Variants in AHCYL2 observed in about 807,000 individuals in gnomAD.
AHCYL2 encodes the protein adenosylhomocysteinase like 2, also known as S-adenosylhomocysteine hydrolase-like protein 2.
AHCYL2 carries 28 observed loss-of-function variants against 81.4 expected under a neutral mutation model. The observed-to-expected ratio is 0.34, with a 90% CI of 0.25 to 0.47. The LOEUF is 0.47. Ranked by LOEUF, AHCYL2 falls within the 20% of genes least tolerant of loss-of-function variation. The probability of loss-of-function intolerance (pLI) is 1.00; values close to 1 mark genes in which losing one functional copy is unlikely to be tolerated. For synonymous variants in AHCYL2, 272 were observed against 290.2 expected (o/e 0.94, Z 0.64); for missense variants, 551 against 785.1 (o/e 0.70, Z 3.56).
chr7:129,344,402 A>T (rs888831854), intron 1 of AHCYL2, among the ~76,000 whole-genome samples: 1 of 152,222 alleles, frequency 6.6e-6, no homozygotes, highest in Admixed American at 6.5e-5. Context: ...GTAATGTGCT[A>T]TTCAGCAGTA....
chr7:129,393,900 G>A (rs6953598), intron 4 of AHCYL2, among the ~76,000 whole-genome samples: 43,367 of 152,112 alleles, frequency 0.29, 6,285 homozygotes, highest in South Asian at 0.38. Context: ...AAGAGGGAAA[G>A]AATCCATAGA....
intron 1 of AHCYL2, among the ~76,000 whole-genome samples, chr7:129,340,546 A>T (rs534619763): frequency 2.0e-5 from 3 of 149,660 alleles, no homozygotes; most frequent in Admixed American, 6.6e-5. Context: ...CCAGCCTGGG[A>T]GACAGAGCGA....
At chr7:129,328,524 G>A (rs1006178437) in intron 1 of AHCYL2, among the ~76,000 whole-genome samples, 1 of 151,144 alleles carries the variant, frequency 6.6e-6, no homozygotes, top group African/African-American at 2.4e-5. Context: ...TCACTCTGTT[G>A]CCCAGACTGG....
rs1037444773 is a variant in AHCYL2 at position 129,317,001 on chromosome 7, C to T, written c.364-62637C>T. Among the ~76,000 whole-genome samples the T allele has an allele frequency of 4.6e-5, 7 of 152,234 alleles. No individual in the cohort carries two copies. The East Asian group carries it at 1.4e-3, about 29-fold the overall frequency. ...ATATTTTAAATGCCAGATAGAGGTG[C>T]TATATTGTCTTCATTGCGGGCCAGG... On this transcript the variant is annotated intron_variant, in intron 1 of 16. Transcript: ENST00000325006.
At chr7:129,401,633 A>G (rs1796041932) in intron 6 of AHCYL2, among the ~76,000 whole-genome samples, 1 of 152,236 alleles carries the variant, frequency 6.6e-6, no homozygotes, top group Non-Finnish European at 1.5e-5. Context: ...CAGAGTTGAC[A>G]GTGGCTGTAA....
At chr7:129,308,481 C>T (rs1797523690) in intron 1 of AHCYL2, among the ~76,000 whole-genome samples, 1 of 152,170 alleles carries the variant, frequency 6.6e-6, no homozygotes, top group East Asian at 1.9e-4. Context: ...ATTGTTTTTC[C>T]TGCCTTTTTC....
intron 1 of AHCYL2, among the ~76,000 whole-genome samples, chr7:129,294,653 C>T (rs1223804635): frequency 6.6e-6 from 1 of 152,186 alleles, no homozygotes; most frequent in Non-Finnish European, 1.5e-5. Context: ...CACCACAACA[C>T]TGTAGCTGTT....
intron 4 of AHCYL2, among the ~76,000 whole-genome samples, chr7:129,395,839 T>C (rs897984103): frequency 5.9e-5 from 9 of 152,282 alleles, no homozygotes; most frequent in African/African-American, 1.9e-4. Flanking sequence ...AAATTCCACA[T>C]TGACACACTT....
At chr7:129,363,016 A>G (rs1173816019) in intron 1 of AHCYL2, among the ~76,000 whole-genome samples, 1 of 152,142 alleles carries the variant, frequency 6.6e-6, no homozygotes, top group African/African-American at 2.4e-5. Flanking sequence ...ATATGCCCTC[A>G]TGGATGACGA....
intron 4 of AHCYL2, among the ~76,000 whole-genome samples, chr7:129,394,645 A>G (rs1335137337): frequency 1.3e-5 from 2 of 151,500 alleles, no homozygotes. Flanking sequence ...GGGTTTCTCC[A>G]TGTTGGTCAG....
intron 1 of AHCYL2, among the ~76,000 whole-genome samples, chr7:129,245,816 A>G (rs1795034133): frequency 6.6e-6 from 1 of 152,210 alleles, no homozygotes; most frequent in Admixed American, 6.5e-5. Flanking sequence ...GAACATTGCC[A>G]TACAAATATC....
At chr7:129,346,956 A>T (rs565854240) in intron 1 of AHCYL2, among the ~76,000 whole-genome samples, 3 of 152,332 alleles carry the variant, frequency 2.0e-5, no homozygotes, top group Non-Finnish European at 4.4e-5. Context: ...ATTCAGTGCT[A>T]AAAAGAAATT....
Position 129,377,765 on chromosome 7 carries a change from C to T in AHCYL2, c.364-1873C>T, listed in dbSNP as rs541484182. The T allele has an allele frequency of 7.9e-5, 29 of 369,338 alleles. No homozygotes were observed. The Admixed American group carries it at 9.4e-4, about 12-fold the overall frequency. 22.9% of individuals were successfully genotyped at this position (369,338 alleles called of 1,614,324 possible). A position where few individuals can be genotyped will look rare whatever the true frequency, so the allele number is the denominator to read the frequency against. On this transcript the variant is annotated intron_variant, in intron 1 of 16. Transcript: ENST00000325006. ...ATTGTATGAGCTTTTTTTCCCCAAA[C>T]AAGTATAGCTTACAAGTGACCTTTG...
At chr7:129,401,299 C>T (rs1366172716) in intron 6 of AHCYL2, among the ~76,000 whole-genome samples, 1 of 151,984 alleles carries the variant, frequency 6.6e-6, no homozygotes. Flanking sequence ...CACTGCAGTC[C>T]AGCCTGGGTG....
intron 1 of AHCYL2, among the ~76,000 whole-genome samples, chr7:129,241,158 A>G (rs1794838890): frequency 6.6e-6 from 1 of 152,190 alleles, no homozygotes; most frequent in South Asian, 2.1e-4. Context: ...GTGTGTGTAA[A>G]TACTTGAAAG....
intron 1 of AHCYL2, among the ~76,000 whole-genome samples, chr7:129,259,013 C>CT (rs929923621): frequency 3.3e-5 from 5 of 152,148 alleles, no homozygotes; most frequent in Admixed American, 6.5e-5. Context: ...TTATTCCAAC[C>CT]TTCTTTTAGT....
rs117175817 is a variant in AHCYL2, at chr7:129,333,083, T to A, written c.364-46555T>A. ...TAGAGTCTAAGCTATATTTCAGAAC[T>A]GGAAAACTTGGAAAATGAATGGTTG... On this transcript the variant is annotated intron_variant, in intron 1 of 16. Coordinates refer to ENST00000325006, the MANE Select transcript of AHCYL2 (RefSeq NM_015328.4). Among the ~76,000 whole-genome samples the A allele has an allele frequency of 3.5e-4, 53 of 152,286 alleles. No homozygotes were observed. In the East Asian group the frequency reaches 0.01, roughly 29 times the overall value.
At chr7:129,424,398 T>TAATC (rs143619970) in intron 13 of AHCYL2, among the ~76,000 whole-genome samples, 1,816 of 151,760 alleles carry the variant, frequency 0.012, 24 homozygotes, top group African/African-American at 0.027. Context: ...AGACTCCATC[T>TAATC]AATCAATCAA....
intron 1 of AHCYL2, among the ~76,000 whole-genome samples, chr7:129,317,802 G>T (rs1038316896): frequency 8.5e-5 from 13 of 152,100 alleles, no homozygotes; most frequent in African/African-American, 3.1e-4. Context: ...TCATGACAAG[G>T]TTCACCAAGT....
Sources: allele counts gnomAD v4.1 joint callset (sites outside exome capture counted in the v4.1 genomes callset), GRCh38; gene constraint gnomAD v4.1.1; transcripts MANE v1.5; gene names NCBI Gene and HGNC (gene_info 2026-07-23, HGNC 2026-07-21).